Variants in PMS1 observed in about 807,000 individuals in gnomAD.
PMS1 encodes PMS1 homolog 1, mismatch repair system component.
A neutral mutation model predicts 93.1 loss-of-function variants in PMS1; 79 were observed. The observed-to-expected ratio is 0.85, with a 90% confidence interval of 0.71 to 1.02. The LOEUF is 1.02. Ranked by LOEUF, PMS1 falls within the 50% of genes least tolerant of loss-of-function variation. The pLI is 0.00. For synonymous variants in PMS1, 335 were observed against 363.4 expected (o/e 0.92, Z 0.89); for missense variants, 1,064 against 1,085.3 (o/e 0.98, Z 0.28).
chr2:189,818,072 T>C lies in PMS1; in HGVS notation c.474T>C (p.Phe158=), dbSNP rs369474547. The change falls in exon 5 of 13, where the codon TTT becomes TTC. Residue 158 remains phenylalanine, a synonymous_variant. Transcript: ENST00000441310. ...LFKNLPVRKQ[F]YSTAKKCKDE... is the part of the protein sequence containing the mutation. ...AGAATCTACCTGTAAGAAAGCAGTT[T>C]TACTCAACTGCAAAAAAATGTAAAG... 10 of 1,604,910 alleles carry C rather than the reference T, an allele frequency of 6.2e-6. No individual in the cohort carries two copies. The highest frequency in any genetic ancestry group is 8.5e-6 in the Non-Finnish European group (10 of 1,172,112).
intron 5 of PMS1, among the ~76,000 whole-genome samples, chr2:189,831,376 C>T (rs1213164923): frequency 6.6e-6 from 1 of 152,108 alleles, no homozygotes; most frequent in Non-Finnish European, 1.5e-5. Flanking sequence ...TAGGAAGCTG[C>T]TATAAATTGT....
chr2:189,871,046 T>C (rs1441504474), intron 11 of PMS1, among the ~76,000 whole-genome samples: 3 of 152,250 alleles, frequency 2.0e-5, no homozygotes, highest in Non-Finnish European at 4.4e-5. Context: ...CAGCGTCTGC[T>C]TTCCTTTTAC....
At chr2:189,852,540 A>G in intron 6 of PMS1, 115 bp from the exon 7 acceptor site, 1 of 872,962 alleles carries the variant, frequency 1.1e-6, no homozygotes, top group Non-Finnish European at 1.9e-6. Flanking sequence ...ATGGCTTTTT[A>G]GACCTTAAGA....
intron 3 of PMS1, among the ~76,000 whole-genome samples, chr2:189,797,187 G>A (rs759359558): frequency 5.3e-5 from 8 of 152,050 alleles, no homozygotes; most frequent in Non-Finnish European, 8.8e-5. Flanking sequence ...CACTCTAACC[G>A]GTACAGTTAG....
intron 3 of PMS1, among the ~76,000 whole-genome samples, chr2:189,801,670 T>C (rs2049899313): frequency 6.6e-6 from 1 of 152,250 alleles, no homozygotes; most frequent in Non-Finnish European, 1.5e-5. Context: ...GAAGCCTAAT[T>C]CTAAATCCTG....
In PMS1 at chr2:189,842,977, T is replaced by TAC. The variant is rs1553577744; in HGVS notation, c.583-977_583-976dup. 1.9e-4 allele frequency among the ~76,000 whole-genome samples: 26 copies of TAC among 137,014 alleles called. 1 individual carries two copies. The highest frequency in any genetic ancestry group is 9.4e-4 in the South Asian group (4 of 4,256). The allele number at this position is 137,014 out of a possible 152,430, so 89.9% of individuals were successfully genotyped here. A position where few individuals can be genotyped will look rare whatever the true frequency, so the allele number is the denominator to read the frequency against. On this transcript the variant is annotated intron_variant, in intron 5 of 12. Coordinates refer to ENST00000441310, the MANE Select transcript of PMS1 (RefSeq NM_000534.5). ...TACAAAGTATTTATATATATATATA[T>TAC]ACACACACACATATATGTGTGTGTG... is the stretch of plus-strand genomic sequence containing the variant.
chr2:189,856,440 A>T (rs1176626964), intron 9 of PMS1, among the ~76,000 whole-genome samples: 2 of 152,268 alleles, frequency 1.3e-5, no homozygotes, highest in East Asian at 3.9e-4. Context: ...TTTTAAAGGT[A>T]TAGATTCCTT....
intron 2 of PMS1, among the ~76,000 whole-genome samples, chr2:189,792,694 T>TATATATATAA (rs1375000922): frequency 9.2e-6 from 1 of 108,978 alleles, no homozygotes; most frequent in Non-Finnish European, 1.8e-5. Context: ...CACAAATATA[T>TATATATATAA]ATATATATAT....
chr2:189,787,479 T>G (rs1470333019), intron 1 of PMS1, among the ~76,000 whole-genome samples: 1 of 152,230 alleles, frequency 6.6e-6, no homozygotes, highest in East Asian at 1.9e-4. Flanking sequence ...GTAGGTTTAA[T>G]TATACAATTT....
chr2:189,793,218 C>T (rs942979651), intron 2 of PMS1, among the ~76,000 whole-genome samples: 1 of 152,132 alleles, frequency 6.6e-6, no homozygotes, highest in Non-Finnish European at 1.5e-5. Context: ...CTCTTAAAAC[C>T]CATTCTTGAT....
intron 5 of PMS1, among the ~76,000 whole-genome samples, chr2:189,821,055 TTGTC>T (rs2051812933): frequency 6.6e-6 from 1 of 151,942 alleles, no homozygotes; most frequent in Admixed American, 6.5e-5. Context: ...AATAAAAAGT[TTGTC>T]CCTAAATTAA....
intron 3 of PMS1, among the ~76,000 whole-genome samples, chr2:189,801,752 T>C (rs1310086188): frequency 2.0e-5 from 3 of 152,226 alleles, no homozygotes; most frequent in East Asian, 3.8e-4. Flanking sequence ...TTTTTTTCAT[T>C]TATCAAGTGA....
chr2:189,852,748 C>T lies in PMS1; in HGVS notation c.793C>T (p.Arg265Ter), dbSNP rs761558970. The change falls in exon 7 of 13, where the codon CGA becomes TGA. Residue 265 changes from arginine to a stop codon, truncating the protein, a stop_gained. Coordinates refer to ENST00000441310, the MANE Select transcript of PMS1 (RefSeq NM_000534.5). LOFTEE classifies it high-confidence loss of function. ...AAGAAGTTTCATCTTCATAAACAGT[C>T]GACCAGTACATCAAAAAGATATCTT... The part of the protein sequence containing the change: ...PERSFIFINS[R>*]PVHQKDILKL... 7 of 1,589,132 alleles carry T rather than the reference C, an allele frequency of 4.4e-6. No individual in the cohort carries two copies. The highest frequency in any genetic ancestry group is 4.1e-5 in the African/African-American group (3 of 73,890).
At position 189,831,790 on chromosome 2, in the gene PMS1, T is replaced by A. The variant is rs557965005; in HGVS notation, c.583-12174T>A. On this transcript the variant is annotated intron_variant, in intron 5 of 12. Transcript: ENST00000441310. ...GTATTTATTTTTTAAAATTTAAAAA[T>A]TTTTTTTTTAAGACAGAATCTTGCT... Among the ~76,000 whole-genome samples the A allele has an allele frequency of 1.1e-3, 166 of 151,230 alleles. 1 individual carries two copies. The highest frequency in any genetic ancestry group is 2.9e-3 in the African/African-American group (119 of 41,296).
At chr2:189,791,122 C>T (rs935212143) in intron 1 of PMS1, among the ~76,000 whole-genome samples, 4 of 151,248 alleles carry the variant, frequency 2.6e-5, no homozygotes, top group African/African-American at 9.7e-5. Flanking sequence ...TTTTTTGAAC[C>T]CATTTTTGGT....
intron 5 of PMS1, among the ~76,000 whole-genome samples, chr2:189,829,156 C>A (rs1441775012): frequency 6.6e-6 from 1 of 152,172 alleles, no homozygotes; most frequent in African/African-American, 2.4e-5. Flanking sequence ...CTTCCTCCCA[C>A]CAACTATACT....
At chr2:189,784,711 G>A (rs1223181255) in intron 1 of PMS1, 118 bp downstream of exon 1, 5 of 152,610 alleles carry the variant, frequency 3.3e-5, no homozygotes, top group African/African-American at 1.2e-4. Flanking sequence ...CGCTCCCCGC[G>A]GGGCGGGAAG....
At chr2:189,839,433 A>G (rs980654246) in intron 5 of PMS1, among the ~76,000 whole-genome samples, 3 of 152,252 alleles carry the variant, frequency 2.0e-5, no homozygotes, top group Non-Finnish European at 4.4e-5. Flanking sequence ...ATTGCACGTA[A>G]GGGAAACTAT....
chr2:189,815,518 T>C (rs1173705654), intron 4 of PMS1, among the ~76,000 whole-genome samples: 3 of 152,128 alleles, frequency 2.0e-5, no homozygotes, highest in Non-Finnish European at 4.4e-5. Flanking sequence ...ATTTGACAGT[T>C]CCTCCTTCAT....
Sources: gnomAD v4.1 joint callset for allele counts (sites outside exome capture counted in the v4.1 genomes callset) on GRCh38, gnomAD v4.1.1 for gene constraint, MANE v1.5 for transcripts, NCBI Gene and HGNC (gene_info 2026-07-23, HGNC 2026-07-21) for gene names.